The following WDR27 variants were observed in gnomAD, a reference collection of about 807,000 sequenced individuals.
WDR27 encodes WD repeat domain 27.
WDR27 carries 100 observed loss-of-function variants against 114.4 expected under a neutral mutation model. The observed-to-expected ratio is 0.87, with a 90% CI of 0.74 to 1.03. WDR27 has a LOEUF of 1.03. Ranked by LOEUF, WDR27 falls within the 50% of genes least tolerant of loss-of-function variation. The pLI is 0.00. For synonymous variants in WDR27, 449 were observed against 423.1 expected (o/e 1.06, Z -0.75); for missense variants, 1,129 against 1,092.9 (o/e 1.03, Z -0.47).
intron 13 of WDR27, 95 bp from the exon 14 acceptor site, chr6:169,652,103 T>C: frequency 9.2e-7 from 1 of 1,089,764 alleles, no homozygotes; most frequent in Non-Finnish European, 1.3e-6. Context: ...AACAGAAACA[T>C]TCACACAAAC....
intron 23 of WDR27, among the ~76,000 whole-genome samples, chr6:169,594,021 T>C (rs1169205090): frequency 2.0e-5 from 3 of 152,240 alleles, no homozygotes; most frequent in Non-Finnish European, 2.9e-5. Flanking sequence ...TTTAGGTAGA[T>C]ATTCATTTAT....
chr6:169,538,761 C>T (rs1303900682), intron 25 of WDR27, among the ~76,000 whole-genome samples: 1 of 150,386 alleles, frequency 6.6e-6, no homozygotes, highest in African/African-American at 2.4e-5. Context: ...TATATATGTG[C>T]ATGTATATAT....
intron 1 of WDR27, among the ~76,000 whole-genome samples, chr6:169,698,472 A>G (rs1786879410): frequency 6.6e-6 from 1 of 152,192 alleles, no homozygotes; most frequent in South Asian, 2.1e-4. Context: ...AGCTAACTGA[A>G]GTGCAACCTA....
chr6:169,477,860 G>T (rs916629616), intron 25 of WDR27, among the ~76,000 whole-genome samples: 2 of 152,122 alleles, frequency 1.3e-5, no homozygotes, highest in African/African-American at 4.8e-5. Flanking sequence ...GTTTCTAGCA[G>T]CTTCATTCAT....
intron 25 of WDR27, among the ~76,000 whole-genome samples, chr6:169,548,217 T>C (rs545423734): frequency 1.3e-5 from 2 of 152,170 alleles, no homozygotes; most frequent in East Asian, 1.9e-4. Flanking sequence ...TCCATGTCCA[T>C]GGATAGGAAG....
chr6:169,651,319 G>C (rs933790252), intron 14 of WDR27, among the ~76,000 whole-genome samples: 1 of 152,016 alleles, frequency 6.6e-6, no homozygotes, highest in Non-Finnish European at 1.5e-5. Context: ...CATTTTGGCC[G>C]CTATGTTAAG....
intron 24 of WDR27, among the ~76,000 whole-genome samples, chr6:169,579,383 G>A (rs1802987518): frequency 6.6e-6 from 1 of 152,166 alleles, no homozygotes; most frequent in African/African-American, 2.4e-5. Flanking sequence ...TATAGAGAGT[G>A]AGAAAGAACT....
chr6:169,695,833 G>C (rs370176935), intron 1 of WDR27, among the ~76,000 whole-genome samples: 9 of 152,314 alleles, frequency 5.9e-5, no homozygotes, highest in African/African-American at 2.2e-4. Flanking sequence ...AACTAAGCTA[G>C]AGAGAGAAGA....
At chr6:169,655,031 C>T (rs1562830220) in intron 13 of WDR27, among the ~76,000 whole-genome samples, 6 of 152,308 alleles carry the variant, frequency 3.9e-5, no homozygotes, top group Admixed American at 1.3e-4. Context: ...GGACACATCA[C>T]GCTGGTGGGT....
intron 24 of WDR27, among the ~76,000 whole-genome samples, chr6:169,573,760 G>A (rs1801822893): frequency 6.6e-6 from 1 of 152,140 alleles, no homozygotes. Flanking sequence ...TACTTAACCT[G>A]CACGCTTCCT....
chr6:169,526,306 T>C (rs1347569996), intron 25 of WDR27, among the ~76,000 whole-genome samples: 4 of 152,178 alleles, frequency 2.6e-5, no homozygotes, highest in African/African-American at 7.2e-5. Context: ...GATTCTTTGA[T>C]GTGACATCTA....
the WDR27 span, among the ~76,000 whole-genome samples, chr6:169,438,867 T>A: frequency 6.6e-6 from 1 of 152,224 alleles, no homozygotes; most frequent in Non-Finnish European, 1.5e-5. Context: ...CTAGGTCATC[T>A]CTAGTACAGG....
In WDR27 at chr6:169,636,494, ATG is replaced by A; in HGVS notation, c.1878_1879del (p.Met627ValfsTer3). Reference sequence around the variant, plus strand: ...TGCAGACTGTATAGGTTTAGAAAACATGTCTTTGCCCTGTAATGCAAATCAGT... The same window carrying A: ...TGCAGACTGTATAGGTTTAGAAAACATCTTTGCCCTGTAATGCAAATCAGT... On this transcript the variant is annotated frameshift_variant, in exon 19 of 26. Transcript: ENST00000448612. LOFTEE classifies it high-confidence loss of function. 2 of 1,608,974 alleles carry A rather than the reference ATG, an allele frequency of 1.2e-6. No homozygotes were observed. The highest frequency in any genetic ancestry group is 2.2e-5 in the East Asian group (1 of 44,828).
intron 1 of WDR27, among the ~76,000 whole-genome samples, chr6:169,694,502 A>G (rs1785326186): frequency 1.3e-5 from 2 of 152,220 alleles, no homozygotes; most frequent in Non-Finnish European, 2.9e-5. Flanking sequence ...CCATCATAAC[A>G]TTGATTATAA....
chr6:169,528,025 G>C lies in WDR27; in HGVS notation c.2645+44394C>G, dbSNP rs191441580. Among the ~76,000 whole-genome samples, 144 of 152,140 alleles carry C rather than the reference G, an allele frequency of 9.5e-4. 1 individual carries two copies. The highest frequency in any genetic ancestry group is 9.4e-3 in the Admixed American group (143 of 15,282). On this transcript the variant is annotated intron_variant, in intron 25 of 25. Coordinates refer to ENST00000448612, the MANE Select transcript of WDR27 (RefSeq NM_182552.5). The stretch of plus-strand genomic sequence containing the variant: ...TAACTGGGTACCTCACTAATCTTTA[G>C]AGAGAAAAATAAATGGGTAACAGCC...
At chr6:169,549,062 A>C (rs897767485) in intron 25 of WDR27, among the ~76,000 whole-genome samples, 2 of 152,268 alleles carry the variant, frequency 1.3e-5, no homozygotes, top group Non-Finnish European at 1.5e-5. Flanking sequence ...TCAGGACTTC[A>C]CTGGAATTAA....
At chr6:169,561,878 C>T (rs180942267) in intron 25 of WDR27, among the ~76,000 whole-genome samples, 22 of 152,222 alleles carry the variant, frequency 1.4e-4, no homozygotes, top group Admixed American at 3.3e-4. Context: ...AAAAGATATA[C>T]CATCCTAACA....
intron 24 of WDR27, among the ~76,000 whole-genome samples, chr6:169,581,635 T>G (rs560230642): frequency 2.6e-5 from 4 of 152,332 alleles, no homozygotes; most frequent in Admixed American, 1.3e-4. Flanking sequence ...AAAAGATGAA[T>G]TAGGGCCAAG....
chr6:169,619,949 A>T (rs1812722055), intron 21 of WDR27, among the ~76,000 whole-genome samples: 1 of 152,214 alleles, frequency 6.6e-6, no homozygotes. Context: ...CCATTTCGAC[A>T]TATGGCAAAG....
Sources: gnomAD v4.1 joint callset for allele counts (sites outside exome capture counted in the v4.1 genomes callset) on GRCh38, gnomAD v4.1.1 for gene constraint, MANE v1.5 for transcripts, NCBI Gene and HGNC (gene_info 2026-07-23, HGNC 2026-07-21) for gene names.